TBC1D5: variants seen among roughly 807,000 people sequenced by gnomAD.
TBC1D5 encodes the protein TBC1 domain family member 5.
TBC1D5 carries 75 observed loss-of-function variants against 100.3 expected under a neutral mutation model. The observed-to-expected ratio is 0.75, with a 90% CI of 0.62 to 0.91. The LOEUF (loss-of-function observed/expected upper bound fraction) is 0.91, where lower values mean the gene tolerates loss of function less well. TBC1D5 is among the 40% of genes least tolerant of loss of function. TBC1D5 has a pLI of 0.00. For synonymous variants in TBC1D5, 323 were observed against 325.6 expected, an observed-to-expected ratio of 0.99 and a Z score of 0.09; for missense variants, 910 against 942.4, an observed-to-expected ratio of 0.97 and a Z score of 0.45.
exon 12 of TBC1D5, chr3:17,374,498 A>C (rs2092618310): frequency 6.2e-6 from 10 of 1,612,182 alleles, no homozygotes; most frequent in Non-Finnish European, 8.5e-6. Flanking sequence ...CAAAAGTTGA[A>C]AACCAAGGTT....
At chr3:17,296,058 T>A (rs998366687) in intron 14 of TBC1D5, among the ~76,000 whole-genome samples, 2 of 152,166 alleles carry the variant, frequency 1.3e-5, no homozygotes, top group Non-Finnish European at 2.9e-5. Context: ...TCTTAGCAAG[T>A]TCATGACAGG....
At chr3:17,542,368 T>C (rs1275892934) in intron 2 of TBC1D5, among the ~76,000 whole-genome samples, 1 of 152,156 alleles carries the variant, frequency 6.6e-6, no homozygotes, top group Non-Finnish European at 1.5e-5. Flanking sequence ...TTTCTCATTC[T>C]CTCTCTCAAA....
chr3:17,405,039 G>T, intron 5 of TBC1D5, 78 bp from the exon 6 acceptor site: 1 of 776,204 alleles, frequency 1.3e-6, no homozygotes, highest in Non-Finnish European at 2.0e-6. Context: ...TGAACCACCT[G>T]AACATTGAAA....
chr3:17,671,082 C>T (rs1261425491), intron 1 of TBC1D5, among the ~76,000 whole-genome samples: 2 of 152,196 alleles, frequency 1.3e-5, no homozygotes, highest in South Asian at 2.1e-4. Flanking sequence ...CCGTATCTTC[C>T]AATCATTAAT....
intron 17 of TBC1D5, among the ~76,000 whole-genome samples, chr3:17,234,491 A>C (rs755569742): frequency 3.3e-5 from 5 of 152,018 alleles, no homozygotes; most frequent in African/African-American, 4.8e-5. Context: ...CATAACAGGA[A>C]ATCTCATGAA....
intron 2 of TBC1D5, among the ~76,000 whole-genome samples, chr3:17,549,438 A>G (rs1418950568): frequency 1.3e-5 from 2 of 152,234 alleles, no homozygotes; most frequent in East Asian, 3.8e-4. Context: ...ATTTAAAAGT[A>G]AAGATATCTA....
At chr3:17,457,017 C>CA (rs1272465078) in intron 3 of TBC1D5, among the ~76,000 whole-genome samples, 2 of 150,298 alleles carry the variant, frequency 1.3e-5, no homozygotes, top group Admixed American at 1.3e-4. Context: ...CTTTCAATAG[C>CA]AAAAAAAAAT....
At chr3:17,194,310 C>A (rs1471378916) in intron 18 of TBC1D5, among the ~76,000 whole-genome samples, 1 of 152,086 alleles carries the variant, frequency 6.6e-6, no homozygotes, top group African/African-American at 2.4e-5. Context: ...GGTGACAGTC[C>A]GAAAGACCTC....
intron 2 of TBC1D5, among the ~76,000 whole-genome samples, chr3:17,615,334 T>C (rs553917135): frequency 7.9e-5 from 12 of 152,286 alleles, no homozygotes; most frequent in Non-Finnish European, 1.3e-4. Flanking sequence ...GGGATATTGG[T>C]CTAAAATTCT....
intron 13 of TBC1D5, among the ~76,000 whole-genome samples, chr3:17,319,343 G>A (rs936794082): frequency 9.9e-5 from 15 of 151,760 alleles, no homozygotes; most frequent in Admixed American, 5.2e-4. Flanking sequence ...CCATAGCCTC[G>A]TATCTCACTA....
At chr3:17,419,261 T>C (rs2094153001) in intron 4 of TBC1D5, among the ~76,000 whole-genome samples, 2 of 152,194 alleles carry the variant, frequency 1.3e-5, no homozygotes, top group South Asian at 4.1e-4. Context: ...CTGTCTCCAT[T>C]AATGAACTGG....
chr3:17,639,523 C>T (rs939039891), intron 1 of TBC1D5, among the ~76,000 whole-genome samples: 6 of 151,228 alleles, frequency 4.0e-5, no homozygotes, highest in African/African-American at 7.3e-5. Flanking sequence ...ACCTTTTGCA[C>T]GAGCACAAAC....
chr3:17,434,724 G>A, intron 3 of TBC1D5, among the ~76,000 whole-genome samples: 1 of 152,284 alleles, frequency 6.6e-6, no homozygotes, highest in Middle Eastern at 3.4e-3. Flanking sequence ...GACATGCCCT[G>A]GAGACATTTT....
chr3:17,271,782 T>C (rs1439323829), intron 15 of TBC1D5, among the ~76,000 whole-genome samples: 2 of 152,230 alleles, frequency 1.3e-5, no homozygotes, highest in African/African-American at 2.4e-5. Flanking sequence ...GTTCCTTCAA[T>C]GCCTAGTTTC....
intron 18 of TBC1D5, among the ~76,000 whole-genome samples, chr3:17,193,214 G>C (rs2070197488): frequency 6.6e-6 from 1 of 152,208 alleles, no homozygotes; most frequent in Admixed American, 6.5e-5. Context: ...GGCTCTAATA[G>C]ATAGTGATCA....
intron 13 of TBC1D5, among the ~76,000 whole-genome samples, chr3:17,320,922 T>A (rs986673532): frequency 2.0e-5 from 3 of 152,230 alleles, no homozygotes; most frequent in Non-Finnish European, 4.4e-5. Context: ...GGTATCTTTA[T>A]AATACATTTA....
chr3:17,642,989 C>A (rs2064670348), intron 1 of TBC1D5, among the ~76,000 whole-genome samples: 1 of 152,014 alleles, frequency 6.6e-6, no homozygotes. Flanking sequence ...AACATTGGTT[C>A]AAACTATTAA....
intron 2 of TBC1D5, among the ~76,000 whole-genome samples, chr3:17,552,685 A>T (rs2096484143): frequency 6.6e-6 from 1 of 152,164 alleles, no homozygotes; most frequent in African/African-American, 2.4e-5. Flanking sequence ...TATGATAAAA[A>T]TTTCAAAAAG....
chr3:17,500,688 G>A (rs2095776162), intron 3 of TBC1D5, among the ~76,000 whole-genome samples: 1 of 149,366 alleles, frequency 6.7e-6, no homozygotes, highest in African/African-American at 2.5e-5. Context: ...TATAATTTTG[G>A]TACTGTGACT....
Sources: allele counts gnomAD v4.1 joint callset (sites outside exome capture counted in the v4.1 genomes callset), GRCh38; gene constraint gnomAD v4.1.1; transcripts MANE v1.5; gene names NCBI Gene and HGNC (gene_info 2026-07-23, HGNC 2026-07-21).